Variants in PLA2R1 observed in about 807,000 individuals in gnomAD.
PLA2R1 encodes phospholipase A2 receptor 1.
In PLA2R1, 158 loss-of-function variants were observed where a neutral mutation model predicts 195.9. That is an observed-to-expected ratio of 0.81 (90% CI 0.71 to 0.92). The LOEUF (loss-of-function observed/expected upper bound fraction) is 0.92, where lower values mean the gene tolerates loss of function less well. Ranked by LOEUF, PLA2R1 falls within the 40% of genes least tolerant of loss-of-function variation. PLA2R1 has a pLI of 0.00. For synonymous variants in PLA2R1, 586 were observed against 598.2 expected, an observed-to-expected ratio of 0.98 and a Z score of 0.30; for missense variants, 1,626 against 1,764.6, an observed-to-expected ratio of 0.92 and a Z score of 1.41.
In PLA2R1 at chr2:160,013,747, GTGTGTC is replaced by G. The variant is rs1432688379; in HGVS notation, c.1552-378_1552-373del. Reference sequence around the variant, plus strand: ...TGTGTGTGTGTGTGTGTGTGTGTGTGTGTGTCTCTCTCTCTCTGACTTACAGAATTT... The same window carrying G: ...TGTGTGTGTGTGTGTGTGTGTGTGTGTCTCTCTCTCTGACTTACAGAATTT... On this transcript the variant is annotated intron_variant, in intron 9 of 29. Transcript: ENST00000283243. Among the ~76,000 whole-genome samples, 37 of 137,568 alleles carry G rather than the reference GTGTGTC, an allele frequency of 2.7e-4. No homozygotes were observed. In the South Asian group the frequency reaches 6.6e-3, roughly 24 times the overall value. The allele number at this position is 137,568 out of a possible 152,430, so 90.2% of individuals were successfully genotyped here.
At chr2:160,056,481 G>A (rs1695555635) in intron 1 of PLA2R1, among the ~76,000 whole-genome samples, 1 of 152,158 alleles carries the variant, frequency 6.6e-6, no homozygotes, top group South Asian at 2.1e-4. Flanking sequence ...TCACTACCAA[G>A]AATAGGTCCA....
Position 159,944,951 on chromosome 2 carries a change from A to T in PLA2R1, c.4099T>A (p.Ser1367Thr). ...LRIPEGLWQL[S>T]PCQEKKGFIC... ...AAGCCTTTTTTTTCTTGACACGGGG[A>T]TAGCTGCCATAATCCTTCAGGGATC... Residue 1367 changes from serine (S) to threonine (T), a missense_variant, in exon 28 of 30, where the codon TCC becomes ACC. Transcript: ENST00000283243. The T allele has an allele frequency of 6.2e-7, 1 of 1,613,116 alleles. No individual in the cohort carries two copies. Among genetic ancestry groups the T allele is most frequent in the Non-Finnish European group, 8.5e-7 (1 of 1,179,392 alleles).
chr2:159,967,881 GA>G (rs1308249759), intron 19 of PLA2R1, among the ~76,000 whole-genome samples: 1 of 151,910 alleles, frequency 6.6e-6, no homozygotes, highest in Non-Finnish European at 1.5e-5. Context: ...TTTAATTTAA[GA>G]ATGTAAAAAT....
intron 11 of PLA2R1, among the ~76,000 whole-genome samples, chr2:159,992,091 G>A (rs1387493032): frequency 7.0e-6 from 1 of 143,162 alleles, no homozygotes; most frequent in Non-Finnish European, 1.5e-5. Flanking sequence ...CAGTGTAAAA[G>A]TGTTCCTATT....
At position 159,952,605 on chromosome 2, in the gene PLA2R1, C is replaced by T. The variant is rs570940548; in HGVS notation, c.3302-1027G>A. ...GCTGGGACTTAATCCTATTCCTGGCCCTAACTGGCTAAGAGCTCTTGGGCA... is the reference window on the plus strand; with the variant it reads ...GCTGGGACTTAATCCTATTCCTGGCTCTAACTGGCTAAGAGCTCTTGGGCA... On this transcript the variant is annotated intron_variant, in intron 23 of 29. Coordinates refer to ENST00000283243, the MANE Select transcript of PLA2R1 (RefSeq NM_007366.5). Among the ~76,000 whole-genome samples the T allele has an allele frequency of 2.0e-5, 3 of 152,184 alleles. No individual in the cohort carries two copies. The South Asian group carries it at 6.2e-4, about 32-fold the overall frequency.
At chr2:159,978,577 AAAC>A (rs775848588) in intron 14 of PLA2R1, among the ~76,000 whole-genome samples, 2 of 152,168 alleles carry the variant, frequency 1.3e-5, no homozygotes, top group Non-Finnish European at 2.9e-5. Flanking sequence ...TGTTATACTA[AAAC>A]AAAAGAAAGT....
At chr2:159,951,988 A>G (rs1054811900) in intron 23 of PLA2R1, among the ~76,000 whole-genome samples, 7 of 152,234 alleles carry the variant, frequency 4.6e-5, no homozygotes, top group Non-Finnish European at 8.8e-5. Flanking sequence ...ACATAGTCAT[A>G]TATTGCATTG....
chr2:159,972,333 T>C (rs1044751037), intron 17 of PLA2R1, among the ~76,000 whole-genome samples: 1 of 152,182 alleles, frequency 6.6e-6, no homozygotes, highest in Non-Finnish European at 1.5e-5. Context: ...AGAAGACTTA[T>C]TAACATGTGT....
intron 10 of PLA2R1, among the ~76,000 whole-genome samples, chr2:160,008,234 A>C (rs1692128142): frequency 6.6e-6 from 1 of 152,198 alleles, no homozygotes; most frequent in African/African-American, 2.4e-5. Flanking sequence ...TGAGCCCAGG[A>C]GGTCAAGGCT....
intron 8 of PLA2R1, 25 bp downstream of exon 8, chr2:160,020,081 G>A: frequency 6.3e-7 from 1 of 1,590,474 alleles, no homozygotes; most frequent in Non-Finnish European, 8.6e-7. Context: ...AGCAAAGTGA[G>A]CACTGAACAA....
intron 1 of PLA2R1, among the ~76,000 whole-genome samples, chr2:160,047,322 T>C (rs569155137): frequency 6.6e-6 from 1 of 152,218 alleles, no homozygotes; most frequent in Non-Finnish European, 1.5e-5. Flanking sequence ...CATACTACCA[T>C]GAAAAGCCTT....
chr2:160,055,524 A>G (rs548519556), intron 1 of PLA2R1, among the ~76,000 whole-genome samples: 2 of 152,338 alleles, frequency 1.3e-5, no homozygotes, highest in African/African-American at 2.4e-5. Flanking sequence ...GTTGCAGAGA[A>G]CAAGAGGCTG....
chr2:160,028,131 A>T, intron 6 of PLA2R1, 87 bp downstream of exon 6: 1 of 848,980 alleles, frequency 1.2e-6, no homozygotes, highest in Non-Finnish European at 1.9e-6. Flanking sequence ...TTACATTATG[A>T]ATTATTAGCA....
Position 159,987,298 on chromosome 2 carries a change from T to G in PLA2R1, c.1895A>C (p.Lys632Thr), listed in dbSNP as rs1378700076. 1 of 1,612,642 alleles carries G rather than the reference T, an allele frequency of 6.2e-7. No individual in the cohort carries two copies. Among genetic ancestry groups the G allele is most frequent in the African/African-American group, 1.3e-5 (1 of 74,910 alleles). ...CATTGCCTTAAAGTGCCGACAGTGC[T>G]TCACTTCCCAGCGACCAAGTGGATG... ...GRHPLGRWEV[K>T]HCRHFKAMSL... Residue 632 changes from lysine to threonine, a missense_variant, in exon 12 of 30, where the codon AAG (lysine) becomes ACG (threonine). Lys to Thr is a moderately conservative substitution (Grantham distance 78). Coordinates refer to ENST00000283243, the MANE Select transcript of PLA2R1 (RefSeq NM_007366.5).
chr2:159,968,590 C>T (rs1358432429), intron 19 of PLA2R1, among the ~76,000 whole-genome samples: 1 of 152,208 alleles, frequency 6.6e-6, no homozygotes, highest in Non-Finnish European at 1.5e-5. Context: ...GTGTTTATCC[C>T]TCTCCTGGCC....
At chr2:160,005,589 G>A in intron 11 of PLA2R1, 63 bp downstream of exon 11, 2 of 1,401,542 alleles carry the variant, frequency 1.4e-6, no homozygotes, top group Non-Finnish European at 2.0e-6. Context: ...GTGGGCCAAG[G>A]GGTGGAAGGA....
chr2:160,040,167 A>C (rs1170789083), intron 3 of PLA2R1, among the ~76,000 whole-genome samples: 1 of 152,112 alleles, frequency 6.6e-6, no homozygotes, highest in Non-Finnish European at 1.5e-5. Flanking sequence ...CTACATGCAT[A>C]CATTTAGATT....
intron 20 of PLA2R1, among the ~76,000 whole-genome samples, chr2:159,967,059 C>T (rs137991436): frequency 4.6e-5 from 7 of 152,096 alleles, no homozygotes; most frequent in South Asian, 4.2e-4. Flanking sequence ...AGCTCTATGC[C>T]GGCTCCAGGC....
At chr2:159,944,436 T>C (rs371256636) in intron 28 of PLA2R1, among the ~76,000 whole-genome samples, 135 of 152,328 alleles carry the variant, frequency 8.9e-4, no homozygotes, top group Middle Eastern at 3.4e-3. Flanking sequence ...ACTAAGTATG[T>C]TACTGATGAT....
Sources: allele counts gnomAD v4.1 joint callset (sites outside exome capture counted in the v4.1 genomes callset), GRCh38; gene constraint gnomAD v4.1.1; transcripts MANE v1.5; gene names NCBI Gene and HGNC (gene_info 2026-07-23, HGNC 2026-07-21).